MRPS27: variants seen among roughly 807,000 people sequenced by gnomAD.
MRPS27 encodes the protein small ribosomal subunit protein mS27.
In MRPS27, 43 loss-of-function variants were observed where a neutral mutation model predicts 48.9. That is an observed-to-expected ratio of 0.88 (90% CI 0.69 to 1.13). The LOEUF (loss-of-function observed/expected upper bound fraction) is 1.13, where lower values mean the gene tolerates loss of function less well. MRPS27 is among the 50% of genes most tolerant of loss of function. MRPS27 has a pLI of 0.00. For missense variants in MRPS27, 467 were observed against 476.3 expected (o/e 0.98, Z 0.18); for synonymous variants, 188 against 171.9 (o/e 1.09, Z -0.73).
chr5:72,308,958 T>C (rs1165104356), intron 2 of MRPS27, among the ~76,000 whole-genome samples: 1 of 152,168 alleles, frequency 6.6e-6, no homozygotes, highest in Admixed American at 6.5e-5. Context: ...CTCTAATTTA[T>C]AGGCACAGAA....
In MRPS27 at chr5:72,237,657, C is replaced by A. The variant is rs78066664; in HGVS notation, c.396+357G>T. ...CTTGATGGGAGGAGTCAGGGAACTC[C>A]AAAGACACAGGAGCAACATGGTCAT... On this transcript the variant is annotated intron_variant, in intron 5 of 10. Transcript: ENST00000261413. 3.7e-3 allele frequency among the ~76,000 whole-genome samples: 567 copies of A among 152,122 alleles called. 1 individual carries two copies. The highest frequency in any genetic ancestry group is 0.013 in the African/African-American group (551 of 41,496).
intron 4 of MRPS27, among the ~76,000 whole-genome samples, chr5:72,243,174 T>G (rs1748406561): frequency 6.6e-6 from 1 of 152,208 alleles, no homozygotes; most frequent in Non-Finnish European, 1.5e-5. Flanking sequence ...AAAATATGGC[T>G]GGCTTCAAAG....
intron 4 of MRPS27, among the ~76,000 whole-genome samples, chr5:72,280,404 G>A (rs577212206): frequency 1.3e-5 from 2 of 151,948 alleles, no homozygotes; most frequent in African/African-American, 4.8e-5. Context: ...TCCTTTATAA[G>A]TATTTTTTTT....
intron 2 of MRPS27, among the ~76,000 whole-genome samples, chr5:72,311,667 G>C (rs1750443651): frequency 6.6e-6 from 1 of 152,182 alleles, no homozygotes; most frequent in Non-Finnish European, 1.5e-5. Flanking sequence ...GTCCTCACCA[G>C]CAGGAAGGCT....
chr5:72,221,718 C>T (rs1193883939), intron 10 of MRPS27, among the ~76,000 whole-genome samples: 10 of 152,218 alleles, frequency 6.6e-5, no homozygotes, highest in South Asian at 2.1e-4. Flanking sequence ...TCTCAACAGA[C>T]GGAAATCAGT....
chr5:72,231,138 G>A (rs1748055101), intron 7 of MRPS27, among the ~76,000 whole-genome samples: 1 of 152,040 alleles, frequency 6.6e-6, no homozygotes, highest in Admixed American at 6.6e-5. Context: ...AACACAAAAT[G>A]GCTTAGTATG....
chr5:72,278,709 T>C lies in MRPS27; in HGVS notation c.281+16822A>G, dbSNP rs913064674. 3.3e-5 allele frequency among the ~76,000 whole-genome samples: 5 copies of C among 152,318 alleles called. No individual in the cohort carries two copies. In the East Asian group the frequency reaches 9.6e-4, roughly 29 times the overall value. ...ATATTTTCAAACTACATAAATGGTATCATATTATATGTACGATATTTCACC... is the reference window on the plus strand; with the variant it reads ...ATATTTTCAAACTACATAAATGGTACCATATTATATGTACGATATTTCACC... On this transcript the variant is annotated intron_variant, in intron 4 of 10. Coordinates refer to ENST00000261413, the MANE Select transcript of MRPS27 (RefSeq NM_015084.3).
At chr5:72,288,366 C>T (rs1474953466) in intron 4 of MRPS27, among the ~76,000 whole-genome samples, 4 of 152,152 alleles carry the variant, frequency 2.6e-5, no homozygotes, top group Non-Finnish European at 5.9e-5. Flanking sequence ...CACCACCATG[C>T]CCAGCTAATT....
chr5:72,271,192 G>A (rs1486931985), intron 4 of MRPS27, among the ~76,000 whole-genome samples: 1 of 152,104 alleles, frequency 6.6e-6, no homozygotes, highest in Non-Finnish European at 1.5e-5. Context: ...AAGAGTAAAT[G>A]TATTTCTCGT....
At chr5:72,234,078 T>G in intron 6 of MRPS27, 41 bp downstream of exon 6, 1 of 1,447,944 alleles carries the variant, frequency 6.9e-7, no homozygotes, top group Non-Finnish European at 9.1e-7. Context: ...CTTTGGGAGC[T>G]GGAAGCCCTA....
In MRPS27 at chr5:72,220,202, G is replaced by A. The variant is rs567521581; in HGVS notation, c.*707C>T. The stretch of plus-strand genomic sequence containing the variant: ...AGTTCACCTTGGCCTCATGTACCTG[G>A]GCTGGGGAGAGGGAGACCATTCAAA... On this transcript the variant is annotated 3_prime_UTR_variant, in exon 11 of 11. Transcript: ENST00000261413. 2 of 153,106 alleles carry A rather than the reference G, an allele frequency of 1.3e-5. No homozygotes were observed. Among genetic ancestry groups the A allele is most frequent in the East Asian group, 3.9e-4 (2 of 5,194 alleles). The allele number at this position is 153,106 out of a possible 1,614,324, so 9.5% of individuals were successfully genotyped here. A position where few individuals can be genotyped will look rare whatever the true frequency, so the allele number is the denominator to read the frequency against.
At chr5:72,295,312 T>C (rs1274048139) in intron 4 of MRPS27, 4 of 455,206 alleles carry the variant, frequency 8.8e-6, no homozygotes, top group African/African-American at 8.1e-5. Context: ...GAGAACAACC[T>C]AGAGGTCCAT....
At chr5:72,231,092 C>A (rs1428852636) in intron 7 of MRPS27, among the ~76,000 whole-genome samples, 1 of 152,112 alleles carries the variant, frequency 6.6e-6, no homozygotes, top group Non-Finnish European at 1.5e-5. Flanking sequence ...CCCTCTGCTT[C>A]TAACTTTTCA....
chr5:72,317,973 A>G (rs1750605748), intron 1 of MRPS27, among the ~76,000 whole-genome samples: 1 of 152,226 alleles, frequency 6.6e-6, no homozygotes, highest in African/African-American at 2.4e-5. Flanking sequence ...AAGAAGAACA[A>G]TTGTCTTGGG....
intron 4 of MRPS27, among the ~76,000 whole-genome samples, chr5:72,264,448 T>C (rs762912078): frequency 7.9e-5 from 12 of 152,212 alleles, no homozygotes; most frequent in Non-Finnish European, 1.5e-4. Flanking sequence ...ACAAATTGAA[T>C]TGTGTCTCCC....
At position 72,266,855 on chromosome 5, in the gene MRPS27, G is replaced by A. The variant is rs542136358; in HGVS notation, c.281+28676C>T. On this transcript the variant is annotated intron_variant, in intron 4 of 10. Coordinates refer to ENST00000261413, the MANE Select transcript of MRPS27 (RefSeq NM_015084.3). ...AGCCTGGGTGACAGAGCGAGATTTC[G>A]TCTCAAAAAAAAAAAGAAGATGAAG... Among the ~76,000 whole-genome samples, 7 of 151,214 alleles carry A rather than the reference G, an allele frequency of 4.6e-5. No individual in the cohort carries two copies. In the South Asian group the frequency reaches 1.3e-3, roughly 27 times the overall value.
chr5:72,307,331 G>A (rs551409261), intron 2 of MRPS27, among the ~76,000 whole-genome samples: 150 of 152,266 alleles, frequency 9.9e-4, no homozygotes, highest in African/African-American at 3.5e-3. Context: ...CAACCTGGGC[G>A]ACAAGAGCAA....
chr5:72,223,423 T>A (rs1472326676), intron 10 of MRPS27, among the ~76,000 whole-genome samples: 1 of 152,168 alleles, frequency 6.6e-6, no homozygotes, highest in Non-Finnish European at 1.5e-5. Context: ...CAGGTGCATA[T>A]CAGGAATAAG....
chr5:72,233,581 G>A (rs1167114880), intron 6 of MRPS27, among the ~76,000 whole-genome samples: 1 of 151,994 alleles, frequency 6.6e-6, no homozygotes, highest in Non-Finnish European at 1.5e-5. Flanking sequence ...TCTGAATGAG[G>A]CCACACGCAT....
Sources: gnomAD v4.1 joint callset for allele counts (sites outside exome capture counted in the v4.1 genomes callset) on GRCh38, gnomAD v4.1.1 for gene constraint, MANE v1.5 for transcripts, NCBI Gene and HGNC (gene_info 2026-07-23, HGNC 2026-07-21) for gene names.